CAMTA2: variants seen among roughly 807,000 people sequenced by gnomAD.
The protein encoded by CAMTA2 is calmodulin binding transcription activator 2.
CAMTA2 carries 56 observed loss-of-function variants against 135.7 expected under a neutral mutation model. The observed-to-expected ratio is 0.41, with a 90% CI of 0.33 to 0.52. The LOEUF is 0.52. Among genes scored for constraint, CAMTA2 ranks in the 20% least tolerant of loss-of-function variants. The probability of loss-of-function intolerance (pLI) is 0.16; values close to 1 mark genes in which losing one functional copy is unlikely to be tolerated. For missense variants in CAMTA2, 1,358 were observed against 1,553.4 expected (o/e 0.87, Z 2.11); for synonymous variants, 591 against 604.6 (o/e 0.98, Z 0.33).
chr17:4,973,159 A>G lies in CAMTA2; in HGVS notation c.2280+16T>C, dbSNP rs761566437. On this transcript the variant is annotated intron_variant, in intron 14 of 22. Coordinates refer to ENST00000348066, the MANE Select transcript of CAMTA2 (RefSeq NM_015099.4). ...GCTCCCTGCCCCATATGCGCTCAGGAATCCGTCATCCTCACCAGAGGGGTG... is the reference window on the plus strand; with the variant it reads ...GCTCCCTGCCCCATATGCGCTCAGGGATCCGTCATCCTCACCAGAGGGGTG... The G allele has an allele frequency of 1.2e-6, 2 of 1,610,352 alleles. No individual in the cohort carries two copies. The highest frequency in any genetic ancestry group is 3.3e-5 in the Admixed American group (2 of 59,982).
chr17:4,985,804 C>T lies in CAMTA2; in HGVS notation c.135+76G>A, dbSNP rs543931540. ...CTGCACTTAGGAGTGTTGACAGACA[C>T]GGAAAGACCCCCCACTCACCCTCCT... On this transcript the variant is annotated intron_variant, in intron 3 of 22. Transcript: ENST00000348066. The T allele has an allele frequency of 3.0e-4, 263 of 891,378 alleles. 2 individuals carry two copies. In the South Asian group the frequency reaches 3.2e-3, roughly 11 times the overall value. The allele number at this position is 891,378 out of a possible 1,614,324, so 55.2% of individuals were successfully genotyped here.
chr17:4,981,885 G>C, intron 6 of CAMTA2, 54 bp from the exon 7 acceptor site: 1 of 1,520,458 alleles, frequency 6.6e-7, no homozygotes, highest in Non-Finnish European at 8.9e-7. Context: ...CCAGGGGCTT[G>C]GCTTCCTAAT....
chr17:4,971,038 T>C (rs1488101797), intron 16 of CAMTA2, among the ~76,000 whole-genome samples: 2 of 152,136 alleles, frequency 1.3e-5, no homozygotes, highest in Non-Finnish European at 2.9e-5. Flanking sequence ...ACTTGTGGAG[T>C]TCCCTAAGTT....
intron 11 of CAMTA2, among the ~76,000 whole-genome samples, chr17:4,975,180 G>A (rs538090101): frequency 1.2e-3 from 182 of 152,272 alleles, no homozygotes; most frequent in Non-Finnish European, 2.1e-3. Context: ...GGCAGGAGGG[G>A]ATCAGAGCTG....
Position 4,969,819 on chromosome 17 carries a change from C to T in CAMTA2, c.3189+83G>A. On this transcript the variant is annotated intron_variant, in intron 18 of 22. Transcript: ENST00000348066. The surrounding 1 kb of genome is among the most constrained non-coding windows in gnomAD (Gnocchi z 5.6). Reference sequence around the variant, plus strand: ...CCCCATCCAAGGCCTGTCTGCACGACTACTCATCCTCCAAAAGCCCTGGGA... The same window carrying T: ...CCCCATCCAAGGCCTGTCTGCACGATTACTCATCCTCCAAAAGCCCTGGGA... 6.3e-7 allele frequency: 1 copy of T among 1,590,774 alleles called. No homozygotes were observed. The highest frequency in any genetic ancestry group is 8.6e-7 in the Non-Finnish European group (1 of 1,161,806).
intron 10 of CAMTA2, 139 bp from the exon 11 acceptor site, chr17:4,977,331 G>T: frequency 9.8e-7 from 1 of 1,018,232 alleles, no homozygotes; most frequent in Non-Finnish European, 1.4e-6. Context: ...GGCTTCAGTG[G>T]CCTTGGCACT....
In CAMTA2 at chr17:4,970,504, G is replaced by C. The variant is rs375211889; in HGVS notation, c.2841C>G (p.Ile947Met). 4 of 1,612,880 alleles carry C rather than the reference G, an allele frequency of 2.5e-6. No individual in the cohort carries two copies. The highest frequency in any genetic ancestry group is 3.4e-6 in the Non-Finnish European group (4 of 1,180,026). The part of the protein sequence containing the change: ...VDMISLAKQI[I>M]EATPERIKRE... ...GTTTAATCCGCTCCGGTGTGGCTTC[G>C]ATGATCTGCTTGGCTAGTGAGATCA... Residue 947 changes from isoleucine to methionine, a missense_variant, in exon 17 of 23, where the codon ATC becomes ATG. Transcript: ENST00000348066.
In CAMTA2 at chr17:4,979,763, C is replaced by G; in HGVS notation, c.1559G>C (p.Ser520Thr). The change falls in exon 9 of 23, where the codon AGC becomes ACC. Residue 520 changes from serine (S) to threonine (T), a missense_variant. This residue lies in a region of CAMTA2 where 1,077 missense variants were observed against 1,127.5 expected (regional missense o/e 0.96). Coordinates refer to ENST00000348066, the MANE Select transcript of CAMTA2 (RefSeq NM_015099.4). Reference protein sequence around the residue: ...MGELISDEAPSIPAPTPQLSP... With the variant: ...MGELISDEAPTIPAPTPQLSP... ...CAGCTGGGGGGTCGGAGCAGGGATGCTTGGAGCTTCGTCACTGATGAGTTC... is the reference window on the plus strand; with the variant it reads ...CAGCTGGGGGGTCGGAGCAGGGATGGTTGGAGCTTCGTCACTGATGAGTTC... The G allele has an allele frequency of 1.2e-6, 2 of 1,614,080 alleles. No homozygotes were observed. The highest frequency in any genetic ancestry group is 4.5e-5 in the East Asian group (2 of 44,866).
chr17:4,980,122 G>A lies in CAMTA2; in HGVS notation c.1200C>T (p.Phe400=). Residue 400 remains phenylalanine (F), a synonymous_variant, in exon 9 of 23, where the codon TTC becomes TTT. Coordinates refer to ENST00000348066, the MANE Select transcript of CAMTA2 (RefSeq NM_015099.4). This position sits in a 1 kb window ranked among gnomAD's most constrained non-coding sequence, Gnocchi z 5.3. ...YGGGQGVSPD[F]PEAEAAHTPC... Reference sequence around the variant, plus strand: ...GGGTATGAGCGGCCTCTGCCTCGGGGAAGTCTGGGCTTACTCCCTGCCCCC... The same window carrying A: ...GGGTATGAGCGGCCTCTGCCTCGGGAAAGTCTGGGCTTACTCCCTGCCCCC... 6.2e-7 allele frequency: 1 copy of A among 1,605,902 alleles called. No individual in the cohort carries two copies. Among genetic ancestry groups the A allele is most frequent in the South Asian group, 1.1e-5 (1 of 90,014 alleles).
At chr17:4,983,285 CT>C (rs911865576) in intron 3 of CAMTA2, 123 of 417,574 alleles carry the variant, frequency 2.9e-4, no homozygotes, top group South Asian at 3.8e-4. Context: ...TCCTGTGCCC[CT>C]TTTTTTTTCT....
chr17:4,975,889 A>C (rs1972582400), intron 11 of CAMTA2, among the ~76,000 whole-genome samples: 1 of 151,124 alleles, frequency 6.6e-6, no homozygotes, highest in East Asian at 1.9e-4. Flanking sequence ...AAAAACTCCC[A>C]GATTTAAATA....
intron 13 of CAMTA2, 91 bp from the exon 14 acceptor site, chr17:4,973,344 C>T: frequency 9.4e-7 from 1 of 1,064,990 alleles, no homozygotes; most frequent in Non-Finnish European, 1.5e-6. Flanking sequence ...AGGAGGCAAG[C>T]TGTACAGGGC....
At position 4,982,826 on chromosome 17, in the gene CAMTA2, G is replaced by C; in HGVS notation, c.270C>G (p.Leu90=). The C allele has an allele frequency of 6.2e-7, 1 of 1,614,146 alleles. No individual in the cohort carries two copies. Among genetic ancestry groups the C allele is most frequent in the East Asian group, 2.2e-5 (1 of 44,882 alleles). The change falls in exon 5 of 23, where the codon CTC becomes CTG. Residue 90 remains leucine, a synonymous_variant. Coordinates refer to ENST00000348066, the MANE Select transcript of CAMTA2 (RefSeq NM_015099.4). ...TCTTCCCATCCTTCCGCTTCTTCCA[G>C]AGGTAACCATCCTTCCGATATTTCA... ...KKVKYRKDGY[L]WKKRKDGKTT...
At chr17:4,982,403 G>A (rs1037737627) in intron 5 of CAMTA2, among the ~76,000 whole-genome samples, 2 of 152,136 alleles carry the variant, frequency 1.3e-5, no homozygotes, top group African/African-American at 4.8e-5. Context: ...AGAAACCAGA[G>A]GGCAGAGCAA....
intron 11 of CAMTA2, among the ~76,000 whole-genome samples, chr17:4,976,269 G>C: frequency 6.6e-6 from 1 of 152,020 alleles, no homozygotes; most frequent in East Asian, 1.9e-4. Context: ...GCCTCCCAAA[G>C]TGCTGGGATT....
chr17:4,982,865 G>T lies in CAMTA2; in HGVS notation c.231C>A (p.Tyr77Ter). The T allele has an allele frequency of 6.2e-7, 1 of 1,614,176 alleles. No homozygotes were observed. Among genetic ancestry groups the T allele is most frequent in the Non-Finnish European group, 8.5e-7 (1 of 1,180,038 alleles). ...TRPQNGSIIL[Y>*]NRKKVKYRKD... ...TCCGATATTTCACCTTCTTGCGATT[G>T]TAGAGGATGATGGAGCCATTCTGAG... Residue 77 changes from tyrosine (Y) to a stop codon, truncating the protein, a stop_gained, in exon 5 of 23, where the codon TAC (tyrosine) becomes TAA (stop). Transcript: ENST00000348066. LOFTEE classifies it high-confidence loss of function.
chr17:4,986,169 G>T, intron 2 of CAMTA2, 23 bp downstream of exon 2: 1 of 1,428,736 alleles, frequency 7.0e-7, no homozygotes, highest in Non-Finnish European at 9.9e-7. Context: ...TGGCCACATT[G>T]GGAACCTGGT....
chr17:4,976,225 CA>C (rs1014586763), intron 11 of CAMTA2, among the ~76,000 whole-genome samples: 1 of 151,348 alleles, frequency 6.6e-6, no homozygotes, highest in East Asian at 2.0e-4. Flanking sequence ...AGGCTGGTCT[CA>C]AACTCCTGAC....
chr17:4,982,863 T>C lies in CAMTA2; in HGVS notation c.233A>G (p.Asn78Ser). 1 of 1,614,098 alleles carries C rather than the reference T, an allele frequency of 6.2e-7. No individual in the cohort carries two copies. Among genetic ancestry groups the C allele is most frequent in the Non-Finnish European group, 8.5e-7 (1 of 1,180,018 alleles). The change falls in exon 5 of 23, where the codon AAT (asparagine) becomes AGT (serine). Residue 78 changes from asparagine (N) to serine (S), a missense_variant. Coordinates refer to ENST00000348066, the MANE Select transcript of CAMTA2 (RefSeq NM_015099.4). ...CTTCCGATATTTCACCTTCTTGCGATTGTAGAGGATGATGGAGCCATTCTG... is the reference window on the plus strand; with the variant it reads ...CTTCCGATATTTCACCTTCTTGCGACTGTAGAGGATGATGGAGCCATTCTG... Reference protein sequence around the residue: ...RPQNGSIILYNRKKVKYRKDG... With the variant: ...RPQNGSIILYSRKKVKYRKDG...
Sources: allele counts gnomAD v4.1 joint callset (sites outside exome capture counted in the v4.1 genomes callset), GRCh38; gene constraint gnomAD v4.1.1; regional missense constraint gnomAD v4.1.1; non-coding constraint Gnocchi (gnomAD v3.1); transcripts MANE v1.5; gene names NCBI Gene and HGNC (gene_info 2026-07-23, HGNC 2026-07-21).